Variants in CACHD1 observed in about 807,000 individuals in gnomAD.
The protein encoded by CACHD1 is VWFA and cache domain-containing protein 1.
A neutral mutation model predicts 138.7 loss-of-function variants in CACHD1; 71 were observed. That is an observed-to-expected ratio of 0.51 (90% confidence interval 0.42 to 0.62). The LOEUF (loss-of-function observed/expected upper bound fraction) is 0.62, where lower values mean the gene tolerates loss of function less well. CACHD1 is among the 20% of genes least tolerant of loss of function. The pLI is 0.00. For missense variants in CACHD1, 1,389 were observed against 1,625.3 expected (o/e 0.85, Z 2.50); for synonymous variants, 578 against 591.5 (o/e 0.98, Z 0.33).
At chr1:64,547,836 C>G (rs1160623203) in intron 1 of CACHD1, among the ~76,000 whole-genome samples, 1 of 152,152 alleles carries the variant, frequency 6.6e-6, no homozygotes, top group Non-Finnish European at 1.5e-5. Context: ...AAATGTTTTG[C>G]TTTGGTGATA....
intron 1 of CACHD1, among the ~76,000 whole-genome samples, chr1:64,541,676 A>C (rs1408446168): frequency 6.6e-6 from 1 of 152,120 alleles, no homozygotes; most frequent in African/African-American, 2.4e-5. Flanking sequence ...AACAAAAAAA[A>C]CAAAAATTAG....
intron 12 of CACHD1, among the ~76,000 whole-genome samples, chr1:64,657,673 A>G (rs1207609126): frequency 2.0e-5 from 3 of 152,186 alleles, no homozygotes; most frequent in Non-Finnish European, 4.4e-5. Context: ...AGAGTCTACA[A>G]CCATCCTCAC....
In CACHD1 at chr1:64,653,811, C is replaced by T. The variant is rs747508969; in HGVS notation, c.1594C>T (p.Pro532Ser). ...LTRPYLLSEP[P>S]LHTDIIHYEN... Reference sequence around the variant, plus strand: ...CAGGCCATATTTATTGTCAGAGCCCCCACTTCATACTGACATCATACATTA... The same window carrying T: ...CAGGCCATATTTATTGTCAGAGCCCTCACTTCATACTGACATCATACATTA... Residue 532 changes from proline (P) to serine (S), a missense_variant, in exon 11 of 27, where the codon CCA (proline) becomes TCA (serine). This residue lies in a region of CACHD1 where 1,000 missense variants were observed against 1,114.7 expected (regional missense o/e 0.90). Coordinates refer to ENST00000651257, the MANE Select transcript of CACHD1 (RefSeq NM_020925.4). The T allele has an allele frequency of 6.2e-7, 1 of 1,612,458 alleles. No individual in the cohort carries two copies. Among genetic ancestry groups the T allele is most frequent in the Non-Finnish European group, 8.5e-7 (1 of 1,178,634 alleles).
At position 64,686,876 on chromosome 1, in the gene CACHD1, A is replaced by G. The variant is rs1456248418; in HGVS notation, c.3587-4447A>G. ...AAACTTTGTAGATGAACGTAAGACC[A>G]TTTTCTAGAGGTGCACAAACATTCT... On this transcript the variant is annotated intron_variant, in intron 26 of 26. Transcript: ENST00000651257. Among the ~76,000 whole-genome samples the G allele has an allele frequency of 7.9e-5, 12 of 152,144 alleles. No individual in the cohort carries two copies. In the East Asian group the frequency reaches 1.9e-3, roughly 24 times the overall value.
chr1:64,686,032 AAT>A (rs1319835963), intron 26 of CACHD1, among the ~76,000 whole-genome samples: 1 of 152,274 alleles, frequency 6.6e-6, no homozygotes, highest in African/African-American at 2.4e-5. Flanking sequence ...TAAAAGGTGG[AAT>A]ATGACAGCTT....
At chr1:64,688,574 A>G (rs2100751784) in intron 26 of CACHD1, among the ~76,000 whole-genome samples, 1 of 152,030 alleles carries the variant, frequency 6.6e-6, no homozygotes, top group East Asian at 1.9e-4. Flanking sequence ...GCCCTACTTT[A>G]TGTCCTTGCC....
intron 1 of CACHD1, among the ~76,000 whole-genome samples, chr1:64,526,211 A>G (rs1646537376): frequency 6.6e-6 from 1 of 152,100 alleles, no homozygotes; most frequent in African/African-American, 2.4e-5. Flanking sequence ...GTCTTTTTTA[A>G]AGGTTTTCTA....
chr1:64,484,045 T>A (rs2100281008), intron 1 of CACHD1, among the ~76,000 whole-genome samples: 1 of 152,298 alleles, frequency 6.6e-6, no homozygotes, highest in South Asian at 2.1e-4. Context: ...TCTTTTAGTG[T>A]TCGTCATGCC....
intron 16 of CACHD1, among the ~76,000 whole-genome samples, chr1:64,666,449 G>C (rs985304448): frequency 1.3e-5 from 2 of 152,130 alleles, no homozygotes; most frequent in Admixed American, 1.3e-4. Flanking sequence ...TGATGTTTAT[G>C]AAAAAGAAAA....
intron 3 of CACHD1, among the ~76,000 whole-genome samples, chr1:64,596,476 T>A (rs1647152995): frequency 2.6e-5 from 4 of 152,174 alleles, no homozygotes. Flanking sequence ...TAGGCCTGAG[T>A]GTTTCTCAGT....
At chr1:64,677,154 G>T in intron 22 of CACHD1, 143 bp downstream of exon 22, 1 of 651,476 alleles carries the variant, frequency 1.5e-6, no homozygotes. Context: ...ATGTTGTCTC[G>T]TTCCCACTTA....
intron 2 of CACHD1, among the ~76,000 whole-genome samples, chr1:64,570,868 G>A (rs1019429143): frequency 1.1e-4 from 16 of 151,936 alleles, no homozygotes; most frequent in South Asian, 2.1e-4. Flanking sequence ...TGTGGGGGGC[G>A]GGCGGGGGTG....
intron 11 of CACHD1, 104 bp from the exon 12 acceptor site, chr1:64,654,582 G>A (rs184959149): frequency 3.2e-5 from 24 of 756,390 alleles, no homozygotes; most frequent in African/African-American, 3.0e-4. Context: ...TTTGGTATTC[G>A]AAATCAGGAG....
chr1:64,483,179 T>C (rs1163329272), intron 1 of CACHD1, among the ~76,000 whole-genome samples: 2 of 152,212 alleles, frequency 1.3e-5, no homozygotes, highest in East Asian at 3.8e-4. Context: ...ATTAGGACTC[T>C]AAGTAGACTC....
chr1:64,654,925 T>C, intron 12 of CACHD1, 122 bp downstream of exon 12: 1 of 699,482 alleles, frequency 1.4e-6, no homozygotes, highest in South Asian at 1.8e-5. Context: ...ATGTGACTAA[T>C]CAGTTTTTAA....
intron 25 of CACHD1, among the ~76,000 whole-genome samples, chr1:64,681,682 C>T (rs891359795): frequency 7.9e-5 from 12 of 151,400 alleles, no homozygotes; most frequent in African/African-American, 2.7e-4. Context: ...TAAAAAATCC[C>T]TTAACTAGTA....
intron 22 of CACHD1, 96 bp downstream of exon 22, chr1:64,677,107 G>A (rs1212077050): frequency 2.1e-6 from 2 of 960,270 alleles, no homozygotes; most frequent in Non-Finnish European, 3.2e-6. Flanking sequence ...TTTCAGATCT[G>A]AAACTGATTT....
chr1:64,612,901 A>G (rs1489094248), intron 4 of CACHD1, among the ~76,000 whole-genome samples: 1 of 152,222 alleles, frequency 6.6e-6, no homozygotes. Flanking sequence ...GCTTTCATAG[A>G]TAGTGATTTC....
At position 64,621,533 on chromosome 1, in the gene CACHD1, G is replaced by A. The variant is rs532746482; in HGVS notation, c.518-7822G>A. Among the ~76,000 whole-genome samples, 7 of 152,274 alleles carry A rather than the reference G, an allele frequency of 4.6e-5. 1 individual carries two copies. The highest frequency in any genetic ancestry group is 1.4e-4 in the African/African-American group (6 of 41,558). On this transcript the variant is annotated intron_variant, in intron 4 of 26. Transcript: ENST00000651257. ...TAGCTACATAAAGAATACACAGGAC[G>A]TTACCAGTTTTTGCTATGAAGGAAA...
Sources: allele counts gnomAD v4.1 joint callset (sites outside exome capture counted in the v4.1 genomes callset), GRCh38; gene constraint gnomAD v4.1.1; regional missense constraint gnomAD v4.1.1; transcripts MANE v1.5; gene names NCBI Gene and HGNC (gene_info 2026-07-23, HGNC 2026-07-21).